ADAMTS20: variants seen among roughly 807,000 people sequenced by gnomAD.
The protein encoded by ADAMTS20 is ADAM metallopeptidase with thrombospondin type 1 motif 20.
Under a neutral mutation model 260.1 loss-of-function variants are expected in ADAMTS20, and 225 were observed. The observed-to-expected ratio is 0.87, with a 90% CI of 0.78 to 0.97. The LOEUF is 0.97. Among genes scored for constraint, ADAMTS20 ranks in the 50% least tolerant of loss-of-function variants. ADAMTS20 has a pLI of 0.00. For missense variants in ADAMTS20, 2,400 were observed against 2,337.7 expected (o/e 1.03, Z -0.55); for synonymous variants, 802 against 769.5 (o/e 1.04, Z -0.70).
intron 4 of ADAMTS20, among the ~76,000 whole-genome samples, chr12:43,501,487 A>G (rs984116572): frequency 2.7e-5 from 4 of 149,652 alleles, no homozygotes; most frequent in South Asian, 2.2e-4. Context: ...GCGCGCACAC[A>G]CACACACACA....
At chr12:43,440,139 CTTTTTT>C (rs35606718) in intron 16 of ADAMTS20, 70 bp from the exon 17 acceptor site, 447 of 556,064 alleles carry the variant, frequency 8.0e-4, no homozygotes, top group East Asian at 1.0e-3. Context: ...ACTTGTTTAA[CTTTTTT>C]TTTTTTTTTT....
chr12:43,418,733 G>A (rs1430751257), intron 28 of ADAMTS20, among the ~76,000 whole-genome samples: 1 of 152,300 alleles, frequency 6.6e-6, no homozygotes, highest in South Asian at 2.1e-4. Context: ...ATATTTCAAA[G>A]TTTCACTGAG....
chr12:43,460,988 A>ATATATATATTTTTTTTTTT, intron 11 of ADAMTS20, among the ~76,000 whole-genome samples: 1 of 26,394 alleles, frequency 3.8e-5, no homozygotes, highest in Admixed American at 8.3e-4. Context: ...ATATATATAT[A>ATATATATATTTTTTTTTTT]TTTTTTTTTT....
intron 29 of ADAMTS20, among the ~76,000 whole-genome samples, chr12:43,393,266 G>GT (rs1302588970): frequency 6.6e-6 from 1 of 151,798 alleles, no homozygotes; most frequent in Non-Finnish European, 1.5e-5. Context: ...GTCAAATTTC[G>GT]TTTTTTTAAA....
In ADAMTS20 at chr12:43,468,685, T is replaced by C. The variant is rs571150732; in HGVS notation, c.1138A>G (p.Ile380Val). ...AAGCAGCTTTGTAAAGGATCACATA[T>C]GGTACCTAAATATGATAAACCTGAA... is the stretch of plus-strand genomic sequence containing the variant. ...NMLGLSYLGTICDPLQSCFIN... is the reference protein window; with the variant it reads ...NMLGLSYLGTVCDPLQSCFIN... The change falls in exon 8 of 39, where the codon ATA becomes GTA. Residue 380 changes from isoleucine to valine, a missense_variant. Coordinates refer to ENST00000389420, the MANE Select transcript of ADAMTS20 (RefSeq NM_025003.5). 6 of 1,599,830 alleles carry C rather than the reference T, an allele frequency of 3.8e-6. No individual in the cohort carries two copies. The African/African-American group carries it at 6.7e-5, about 18-fold the overall frequency.
rs746098727 is a variant in ADAMTS20 at position 43,551,220 on chromosome 12, C to G, written c.142G>C (p.Val48Leu). The G allele has an allele frequency of 1.2e-6, 2 of 1,613,862 alleles. No individual in the cohort carries two copies. Among genetic ancestry groups the G allele is most frequent in the Non-Finnish European group, 1.7e-6 (2 of 1,179,872 alleles). Residue 48 changes from valine to leucine, a missense_variant, in exon 2 of 39, where the codon GTC (valine) becomes CTC (leucine). Transcript: ENST00000389420. This position sits in a 1 kb window ranked among gnomAD's most constrained non-coding sequence, Gnocchi z 4.6. ...TSYEVVIPER[V>L]NEFGEVFPQS... is the part of the protein sequence containing the mutation. ...GGGAACACTTCTCCAAACTCATTGA[C>G]CCGCTCGGGGATCACTACTTCGTAG...
chr12:43,419,564 A>G (rs535310572), intron 28 of ADAMTS20, among the ~76,000 whole-genome samples: 58 of 152,308 alleles, frequency 3.8e-4, no homozygotes, highest in Middle Eastern at 3.4e-3. Flanking sequence ...ACATTCCTAA[A>G]GCATTATGCC....
chr12:43,371,734 T>C (rs1416217311), intron 36 of ADAMTS20, among the ~76,000 whole-genome samples: 3 of 152,034 alleles, frequency 2.0e-5, no homozygotes, highest in Non-Finnish European at 4.4e-5. Flanking sequence ...GTGTCTGTAG[T>C]AGGAGTGATC....
At chr12:43,520,547 T>C (rs1049225472) in intron 3 of ADAMTS20, among the ~76,000 whole-genome samples, 1 of 152,170 alleles carries the variant, frequency 6.6e-6, no homozygotes, top group African/African-American at 2.4e-5. Context: ...ATGGATAGTG[T>C]GACATGTTCC....
At chr12:43,454,361 G>A (rs1382983866) in intron 11 of ADAMTS20, among the ~76,000 whole-genome samples, 1 of 152,084 alleles carries the variant, frequency 6.6e-6, no homozygotes, top group South Asian at 2.1e-4. Context: ...CAAATACCAG[G>A]TTAATATGGT....
chr12:43,544,519 C>T (rs1351342794), intron 2 of ADAMTS20, among the ~76,000 whole-genome samples: 1 of 151,962 alleles, frequency 6.6e-6, no homozygotes, highest in Admixed American at 6.6e-5. Context: ...TGAGAGTACA[C>T]GTGCATAAAA....
intron 28 of ADAMTS20, among the ~76,000 whole-genome samples, chr12:43,410,053 A>T (rs1477917568): frequency 6.6e-6 from 1 of 152,232 alleles, no homozygotes; most frequent in African/African-American, 2.4e-5. Context: ...CAATATAAGG[A>T]TTGACTAAAG....
intron 3 of ADAMTS20, among the ~76,000 whole-genome samples, chr12:43,516,393 A>G (rs2137472916): frequency 6.6e-6 from 1 of 152,334 alleles, no homozygotes; most frequent in South Asian, 2.1e-4. Context: ...TTTCATAAGC[A>G]AAGCATCATG....
chr12:43,534,870 G>T (rs1046747599), intron 2 of ADAMTS20, among the ~76,000 whole-genome samples: 1 of 152,092 alleles, frequency 6.6e-6, no homozygotes, highest in Non-Finnish European at 1.5e-5. Context: ...GTGAAACTGG[G>T]TGCATGTAGG....
chr12:43,452,850 T>C (rs1941895838), intron 12 of ADAMTS20, among the ~76,000 whole-genome samples, 155 bp from the exon 13 acceptor site: 1 of 152,202 alleles, frequency 6.6e-6, no homozygotes, highest in African/African-American at 2.4e-5. Flanking sequence ...TACGCAATTC[T>C]ATGCATAATG....
chr12:43,516,665 T>A lies in ADAMTS20; in HGVS notation c.614-14260A>T, dbSNP rs142953824. 7.4e-3 allele frequency among the ~76,000 whole-genome samples: 1,126 copies of A among 152,224 alleles called. 17 individuals carry two copies. The highest frequency in any genetic ancestry group is 0.027 in the African/African-American group (1,102 of 41,564). ...TGATGTCCTTACAGAGCTTATATCG[T>A]ATGGTCCATTATTTTAATCATTCCC... On this transcript the variant is annotated intron_variant, in intron 3 of 38. Coordinates refer to ENST00000389420, the MANE Select transcript of ADAMTS20 (RefSeq NM_025003.5).
At chr12:43,528,213 A>C (rs115186029) in intron 3 of ADAMTS20, among the ~76,000 whole-genome samples, 1 of 151,936 alleles carries the variant, frequency 6.6e-6, no homozygotes, top group Non-Finnish European at 1.5e-5. Context: ...ACAGAAATAC[A>C]TCCCATGCTC....
chr12:43,377,614 C>A, intron 31 of ADAMTS20, 52 bp from the exon 32 acceptor site: 1 of 1,464,730 alleles, frequency 6.8e-7, no homozygotes, highest in Non-Finnish European at 9.3e-7. Flanking sequence ...TTAGCCAGGG[C>A]CTAATATTTG....
Position 43,522,967 on chromosome 12 carries a change from T to G in ADAMTS20, c.613+9069A>C, listed in dbSNP as rs148660669. 6.8e-3 allele frequency among the ~76,000 whole-genome samples: 1,040 copies of G among 152,320 alleles called. 11 individuals carry two copies. The highest frequency in any genetic ancestry group is 0.023 in the African/African-American group (954 of 41,568). On this transcript the variant is annotated intron_variant, in intron 3 of 38. Coordinates refer to ENST00000389420, the MANE Select transcript of ADAMTS20 (RefSeq NM_025003.5). The stretch of plus-strand genomic sequence containing the variant: ...TTTTAGGGTCATAATGAATTAAAAC[T>G]ATCAACAGAAATACTGTATCAGAAA...
Sources: gnomAD v4.1 joint callset for allele counts (sites outside exome capture counted in the v4.1 genomes callset) on GRCh38, gnomAD v4.1.1 for gene constraint, Gnocchi (gnomAD v3.1) non-coding constraint, MANE v1.5 for transcripts, NCBI Gene and HGNC (gene_info 2026-07-23, HGNC 2026-07-21) for gene names.